Variants in DSCAML1 observed in about 807,000 individuals in gnomAD.
The protein encoded by DSCAML1 is DS cell adhesion molecule like 1, also known as cell adhesion molecule DSCAML1.
Under a neutral mutation model 200.5 loss-of-function variants are expected in DSCAML1, and 38 were observed. The observed-to-expected ratio is 0.19, with a 90% CI of 0.15 to 0.25. The LOEUF is 0.25. Ranked by LOEUF, DSCAML1 falls within the 10% of genes least tolerant of loss-of-function variation. The pLI is 1.00. For missense variants in DSCAML1, 2,223 were observed against 2,858.8 expected (o/e 0.78, Z 5.07); for synonymous variants, 1,215 against 1,165.0 (o/e 1.04, Z -0.87).
At chr11:117,527,367 C>T (rs2049995097) in intron 4 of DSCAML1, among the ~76,000 whole-genome samples, 1 of 152,188 alleles carries the variant, frequency 6.6e-6, no homozygotes, top group Non-Finnish European at 1.5e-5. Context: ...CTTCCAAGGG[C>T]AGTCAGCACC....
chr11:117,796,861 C>G (rs1267611527), intron 1 of DSCAML1, among the ~76,000 whole-genome samples, 173 bp downstream of exon 1: 1 of 152,122 alleles, frequency 6.6e-6, no homozygotes, highest in Admixed American at 6.5e-5. Flanking sequence ...GGGGCTGACT[C>G]TCACTCGGCC....
chr11:117,603,615 G>C (rs2051507492), intron 3 of DSCAML1, among the ~76,000 whole-genome samples: 1 of 152,162 alleles, frequency 6.6e-6, no homozygotes, highest in African/African-American at 2.4e-5. Context: ...AAAGCATAAG[G>C]CTAATGTCAT....
At chr11:117,711,758 G>T (rs1158986135) in intron 3 of DSCAML1, among the ~76,000 whole-genome samples, 6 of 152,110 alleles carry the variant, frequency 3.9e-5, no homozygotes, top group Non-Finnish European at 2.9e-5. Context: ...ATTCCACAAT[G>T]AAGCCACTTC....
At chr11:117,564,126 T>G (rs979387092) in intron 3 of DSCAML1, among the ~76,000 whole-genome samples, 1 of 152,248 alleles carries the variant, frequency 6.6e-6, no homozygotes, top group Non-Finnish European at 1.5e-5. Flanking sequence ...AAAAGATGTC[T>G]GTTTAACACT....
chr11:117,645,055 G>A (rs571861336), intron 3 of DSCAML1, among the ~76,000 whole-genome samples: 3 of 152,320 alleles, frequency 2.0e-5, no homozygotes, highest in South Asian at 4.1e-4. Flanking sequence ...GTAAAGCCTC[G>A]GCTTCACCTG....
At position 117,538,172 on chromosome 11, in the gene DSCAML1, A is replaced by T. The variant is rs1591237226; in HGVS notation, c.512-5650T>A. On this transcript the variant is annotated intron_variant, in intron 3 of 32. Coordinates refer to ENST00000651296, the MANE Select transcript of DSCAML1 (RefSeq NM_020693.4). ...TTTAAAGAGCTGTAGGGAGTGTCTT[A>T]TGTGCAGGGCAGAGAACCCCTGGAT... Among the ~76,000 whole-genome samples, 3 of 152,170 alleles carry T rather than the reference A, an allele frequency of 2.0e-5. No homozygotes were observed. In the East Asian group the frequency reaches 5.8e-4, roughly 29 times the overall value.
chr11:117,767,104 G>A (rs763427101), intron 3 of DSCAML1, among the ~76,000 whole-genome samples: 9 of 152,118 alleles, frequency 5.9e-5, no homozygotes, highest in Non-Finnish European at 1.0e-4. Context: ...GCCGGTGAAC[G>A]GGCTTTATAA....
chr11:117,440,346 CG>C (rs529711835), intron 21 of DSCAML1, among the ~76,000 whole-genome samples: 54 of 152,104 alleles, frequency 3.6e-4, no homozygotes, highest in Non-Finnish European at 6.5e-4. Context: ...GTGGAGGCAA[CG>C]GCCGGGAATA....
Position 117,665,275 on chromosome 11 carries a change from C to T in DSCAML1, c.511+111516G>A, listed in dbSNP as rs145882198. Among the ~76,000 whole-genome samples the T allele has an allele frequency of 6.5e-3, 987 of 152,342 alleles. 11 individuals are homozygous for T. Among genetic ancestry groups the T allele is most frequent in the Middle Eastern group, 0.037 (11 of 294 alleles). The stretch of plus-strand genomic sequence containing the variant: ...TGGTGTCCCCAAGGGGACTGGAAGT[C>T]GGCTCGTACGAGCTGGGCAGTTATA... On this transcript the variant is annotated intron_variant, in intron 3 of 32. Transcript: ENST00000651296.
intron 6 of DSCAML1, among the ~76,000 whole-genome samples, chr11:117,520,706 G>A (rs77964702): frequency 0.017 from 2,492 of 150,542 alleles, 26 homozygotes; most frequent in South Asian, 0.037. Flanking sequence ...GCAACATAGT[G>A]AGACTCTGTC....
intron 3 of DSCAML1, among the ~76,000 whole-genome samples, chr11:117,606,005 C>T (rs1262802016): frequency 1.3e-5 from 2 of 152,136 alleles, no homozygotes; most frequent in East Asian, 3.9e-4. Context: ...TTGTCCTTTC[C>T]ACTGTCTACT....
chr11:117,624,320 A>G (rs1463433548), intron 3 of DSCAML1, among the ~76,000 whole-genome samples: 1 of 152,162 alleles, frequency 6.6e-6, no homozygotes, highest in Non-Finnish European at 1.5e-5. Context: ...TTAGGCCCCT[A>G]AGAATGACTG....
At chr11:117,679,070 C>G (rs2053267359) in intron 3 of DSCAML1, among the ~76,000 whole-genome samples, 1 of 152,238 alleles carries the variant, frequency 6.6e-6, no homozygotes, top group Non-Finnish European at 1.5e-5. Flanking sequence ...GAATGGAAGG[C>G]CACTTCAGGT....
chr11:117,776,442 A>G (rs1173035905), intron 3 of DSCAML1, among the ~76,000 whole-genome samples: 5 of 151,988 alleles, frequency 3.3e-5, no homozygotes, highest in Admixed American at 6.6e-5. Context: ...CACCTTTCGC[A>G]GGTAAGGTGC....
upstream of DSCAML1, chr11:117,797,271 G>A: frequency 1.5e-6 from 2 of 1,358,670 alleles, no homozygotes; most frequent in Non-Finnish European, 1.9e-6. Flanking sequence ...CGCGGGGCTG[G>A]GCTAGGCGGC....
chr11:117,428,720 G>A lies in DSCAML1; in HGVS notation c.5770C>T (p.Pro1924Ser), dbSNP rs1167089169. ...TTCCGGATGGAGGCCTCACGGGGTGGGACCACGGGGCAGGGCTCACGTCCA... is the reference window on the plus strand; with the variant it reads ...TTCCGGATGGAGGCCTCACGGGGTGAGACCACGGGGCAGGGCTCACGTCCA... The part of the protein sequence containing the change: ...ADGREPCPVV[P>S]PREASIRNLA... Residue 1924 changes from proline to serine, a missense_variant, in exon 33 of 33, where the codon CCA becomes TCA. Transcript: ENST00000651296. 6 of 1,613,170 alleles carry A rather than the reference G, an allele frequency of 3.7e-6. No homozygotes were observed. Among genetic ancestry groups the A allele is most frequent in the Non-Finnish European group, 4.2e-6 (5 of 1,179,772 alleles).
intron 3 of DSCAML1, among the ~76,000 whole-genome samples, chr11:117,559,833 C>G (rs1052489964): frequency 3.9e-5 from 6 of 152,192 alleles, no homozygotes; most frequent in African/African-American, 1.4e-4. Context: ...GCAGGGCTCA[C>G]CACTCAGGTG....
intron 1 of DSCAML1, among the ~76,000 whole-genome samples, chr11:117,791,361 A>G (rs2055463656): frequency 1.3e-5 from 2 of 152,356 alleles, no homozygotes; most frequent in African/African-American, 4.8e-5. Context: ...ACACAGAAAT[A>G]CATCCAGCAA....
At position 117,516,402 on chromosome 11, in the gene DSCAML1, G is replaced by C. The variant is rs188824700; in HGVS notation, c.1783+65C>G. 12 of 1,557,838 alleles carry C rather than the reference G, an allele frequency of 7.7e-6. No homozygotes were observed. The African/African-American group carries it at 1.5e-4, about 19-fold the overall frequency. On this transcript the variant is annotated intron_variant, in intron 8 of 32. Transcript: ENST00000651296. This position sits in a 1 kb window ranked among gnomAD's most constrained non-coding sequence, Gnocchi z 5.7. ...CCTATTGTTGTCTGAGTCCCAGCTG[G>C]GGAAAGGCCCACGCATCCTGGGTGG...
Sources: allele counts gnomAD v4.1 joint callset (sites outside exome capture counted in the v4.1 genomes callset), GRCh38; gene constraint gnomAD v4.1.1; non-coding constraint Gnocchi (gnomAD v3.1); transcripts MANE v1.5; gene names NCBI Gene and HGNC (gene_info 2026-07-23, HGNC 2026-07-21).